The following GABRR1 variants were observed in gnomAD, a reference collection of about 807,000 sequenced individuals.
The protein encoded by GABRR1 is gamma-aminobutyric acid type A receptor subunit rho1.
GABRR1 carries 59 observed loss-of-function variants against 55.5 expected under a neutral mutation model. The ratio of observed to expected loss-of-function variants is 1.06; its 90% CI spans 0.86 to 1.32. The LOEUF (loss-of-function observed/expected upper bound fraction) is 1.32. GABRR1 is among the 40% of genes most tolerant of loss of function. GABRR1 has a pLI of 0.00. For missense variants in GABRR1, 602 were observed against 619.1 expected, an observed-to-expected ratio of 0.97 and a Z score of 0.29; for synonymous variants, 213 against 226.0, an observed-to-expected ratio of 0.94 and a Z score of 0.51.
chr6:89,210,781 C>A (rs746719906), intron 1 of GABRR1, among the ~76,000 whole-genome samples: 1 of 152,080 alleles, frequency 6.6e-6, no homozygotes, highest in African/African-American at 2.4e-5. Context: ...AGGATAAATG[C>A]GCCCTCAAGG....
upstream of GABRR1, chr6:89,221,171 G>C (rs1250420277): frequency 2.0e-5 from 3 of 152,292 alleles, no homozygotes; most frequent in Non-Finnish European, 4.4e-5. Flanking sequence ...CAGCAGAAGA[G>C]GGACCAGGCA....
At chr6:89,214,797 G>A (rs1772936840) in intron 1 of GABRR1, among the ~76,000 whole-genome samples, 1 of 152,164 alleles carries the variant, frequency 6.6e-6, no homozygotes. Context: ...GGCCAAGGTG[G>A]GAGGATCACT....
Position 89,199,927 on chromosome 6 carries a change from G to A in GABRR1, c.281-498C>T, listed in dbSNP as rs569590950. Reference sequence around the variant, plus strand: ...GATGGAGTAGCTTCCAGGGAAGACAGGATGCCTGTTTTAAGGATGGCCTTA... The same window carrying A: ...GATGGAGTAGCTTCCAGGGAAGACAAGATGCCTGTTTTAAGGATGGCCTTA... On this transcript the variant is annotated intron_variant, in intron 3 of 9. Coordinates refer to ENST00000454853, the MANE Select transcript of GABRR1 (RefSeq NM_002042.5). Among the ~76,000 whole-genome samples the A allele has an allele frequency of 2.6e-5, 4 of 152,320 alleles. No individual in the cohort carries two copies. The East Asian group carries it at 7.7e-4, about 29-fold the overall frequency.
intron 2 of GABRR1, among the ~76,000 whole-genome samples, chr6:89,201,794 AAT>A (rs1313220151): frequency 1.2e-4 from 16 of 136,930 alleles, no homozygotes; most frequent in Middle Eastern, 3.6e-3. Context: ...AAAAAAAAAA[AAT>A]ACCGATGCCC....
intron 6 of GABRR1, among the ~76,000 whole-genome samples, chr6:89,187,414 A>T (rs889457827): frequency 1.3e-5 from 2 of 152,194 alleles, no homozygotes; most frequent in Non-Finnish European, 2.9e-5. Flanking sequence ...ATCATTTGCC[A>T]TTGTATATTC....
At chr6:89,213,639 A>C (rs1370728562) in intron 1 of GABRR1, among the ~76,000 whole-genome samples, 1 of 152,252 alleles carries the variant, frequency 6.6e-6, no homozygotes, top group Non-Finnish European at 1.5e-5. Flanking sequence ...CTGTGCATTA[A>C]TTTACATATT....
chr6:89,196,065 T>C (rs1194537340), intron 5 of GABRR1, among the ~76,000 whole-genome samples: 1 of 152,258 alleles, frequency 6.6e-6, no homozygotes, highest in African/African-American at 2.4e-5. Flanking sequence ...AAGAAGTTGC[T>C]TATGTCTTTG....
chr6:89,194,364 T>C (rs1378460043), intron 5 of GABRR1, among the ~76,000 whole-genome samples: 1 of 152,166 alleles, frequency 6.6e-6, no homozygotes, highest in Non-Finnish European at 1.5e-5. Context: ...AGGTGCCACC[T>C]GGAGCTGAAA....
chr6:89,198,392 T>C (rs1408813583), intron 4 of GABRR1, 149 bp from the exon 5 acceptor site: 1 of 284,574 alleles, frequency 3.5e-6, no homozygotes, highest in Non-Finnish European at 6.7e-6. Flanking sequence ...TTTGCTGCAG[T>C]AGGAGGAAGA....
intron 1 of GABRR1, 50 bp downstream of exon 1, chr6:89,217,151 C>A: frequency 6.3e-7 from 1 of 1,596,254 alleles, no homozygotes; most frequent in Non-Finnish European, 8.5e-7. Context: ...TGTAAGCTCA[C>A]TTTGTGCATC....
At chr6:89,217,126 T>C in intron 1 of GABRR1, 75 bp downstream of exon 1, 1 of 1,521,008 alleles carries the variant, frequency 6.6e-7, no homozygotes, top group Admixed American at 2.0e-5. Flanking sequence ...TGATGCTCAG[T>C]TTCTAGAAGA....
chr6:89,184,291 A>G (rs1424997810), intron 7 of GABRR1, among the ~76,000 whole-genome samples: 1 of 151,734 alleles, frequency 6.6e-6, no homozygotes, highest in Non-Finnish European at 1.5e-5. Context: ...CCACTATACA[A>G]TTCATCGATG....
chr6:89,223,765 G>A (rs62416276), intron 1 of GABRR1, among the ~76,000 whole-genome samples: 1 of 149,072 alleles, frequency 6.7e-6, no homozygotes, highest in African/African-American at 2.5e-5. Flanking sequence ...ATTGCATTGT[G>A]GGTTTTTTTT....
chr6:89,226,404 C>A (rs930146647), intron 1 of GABRR1, among the ~76,000 whole-genome samples: 1 of 146,848 alleles, frequency 6.8e-6, no homozygotes, highest in African/African-American at 2.5e-5. Flanking sequence ...TTAGGTCTAA[C>A]GTTTAAATCT....
At chr6:89,196,839 G>A (rs1772299288) in intron 5 of GABRR1, among the ~76,000 whole-genome samples, 1 of 96,188 alleles carries the variant, frequency 1.0e-5, no homozygotes, top group South Asian at 3.1e-4. Flanking sequence ...AAGAAAGAAA[G>A]AAAGAAAGAA....
intron 6 of GABRR1, among the ~76,000 whole-genome samples, chr6:89,185,910 G>A (rs1159281806): frequency 6.6e-6 from 1 of 152,178 alleles, no homozygotes; most frequent in Non-Finnish European, 1.5e-5. Context: ...AATAAAGGCT[G>A]AATTTTAGCA....
chr6:89,186,094 G>T lies in GABRR1; in HGVS notation c.656-644C>A, dbSNP rs559882980. Among the ~76,000 whole-genome samples the T allele has an allele frequency of 3.9e-5, 6 of 152,262 alleles. No homozygotes were observed. The South Asian group carries it at 1.2e-3, about 32-fold the overall frequency. On this transcript the variant is annotated intron_variant, in intron 6 of 9. Coordinates refer to ENST00000454853, the MANE Select transcript of GABRR1 (RefSeq NM_002042.5). ...CTCCAAGTGAACAAACCTACCTCCA[G>T]CCTGAGCATAACTGAGGAGAAGCCT...
At chr6:89,182,851 G>A (rs1771771591) in intron 7 of GABRR1, among the ~76,000 whole-genome samples, 1 of 151,902 alleles carries the variant, frequency 6.6e-6, no homozygotes, top group Admixed American at 6.6e-5. Context: ...ACTCCAGCCT[G>A]AGCCACAGAA....
intron 1 of GABRR1, among the ~76,000 whole-genome samples, chr6:89,204,953 G>A (rs78175076): frequency 2.6e-3 from 400 of 151,952 alleles, no homozygotes; most frequent in African/African-American, 7.6e-3. Context: ...ATTTTTTTGC[G>A]TCATTGGCAT....
Sources: gnomAD v4.1 joint callset for allele counts (sites outside exome capture counted in the v4.1 genomes callset) on GRCh38, gnomAD v4.1.1 for gene constraint, MANE v1.5 for transcripts, NCBI Gene and HGNC (gene_info 2026-07-23, HGNC 2026-07-21) for gene names.